Variants in CEP112 observed in about 807,000 individuals in gnomAD.
The protein encoded by CEP112 is centrosomal protein 112, also known as centrosomal protein of 112 kDa.
CEP112 carries 127 observed loss-of-function variants against 153.0 expected under a neutral mutation model. The observed-to-expected ratio is 0.83, with a 90% confidence interval of 0.72 to 0.96. The LOEUF is 0.96. CEP112 is among the 40% of genes least tolerant of loss of function. The pLI is 0.00. For synonymous variants in CEP112, 358 were observed against 374.4 expected (o/e 0.96, Z 0.51); for missense variants, 1,089 against 1,101.2 (o/e 0.99, Z 0.16).
chr17:65,837,447 C>T (rs2146187846), intron 21 of CEP112, among the ~76,000 whole-genome samples: 1 of 151,934 alleles, frequency 6.6e-6, no homozygotes, highest in Admixed American at 6.5e-5. Flanking sequence ...CACCTCTGCC[C>T]AGCCGCTACC....
chr17:65,670,092 G>A (rs1207114014), intron 24 of CEP112, among the ~76,000 whole-genome samples: 2 of 151,922 alleles, frequency 1.3e-5, no homozygotes, highest in Non-Finnish European at 2.9e-5. Context: ...TGCTGAATAA[G>A]TGCCTTCTCT....
intron 4 of CEP112, among the ~76,000 whole-genome samples, chr17:66,146,702 C>G (rs1331514166): frequency 1.3e-5 from 2 of 152,086 alleles, no homozygotes; most frequent in East Asian, 3.9e-4. Context: ...CTATAACCAC[C>G]ATTCTACTTT....
chr17:65,973,954 A>T (rs942275428), intron 17 of CEP112, among the ~76,000 whole-genome samples: 3 of 152,220 alleles, frequency 2.0e-5, no homozygotes, highest in African/African-American at 7.2e-5. Flanking sequence ...TAAAATGTTT[A>T]ATCTCACTTA....
intron 8 of CEP112, among the ~76,000 whole-genome samples, chr17:66,091,891 A>G (rs1392857270): frequency 6.6e-6 from 1 of 152,186 alleles, no homozygotes; most frequent in Non-Finnish European, 1.5e-5. Context: ...AAAGACTACT[A>G]TGAGTAATTA....
chr17:65,815,336 T>C (rs1421656544), intron 21 of CEP112, among the ~76,000 whole-genome samples: 1 of 152,118 alleles, frequency 6.6e-6, no homozygotes, highest in Non-Finnish European at 1.5e-5. Flanking sequence ...TGATTATAAA[T>C]GTGTAGGTAT....
intron 21 of CEP112, among the ~76,000 whole-genome samples, chr17:65,850,748 C>T (rs1426259235): frequency 3.3e-5 from 5 of 152,188 alleles, no homozygotes; most frequent in East Asian, 1.9e-4. Context: ...CCTGGACCCA[C>T]ACCCTGAGGT....
At chr17:65,690,134 A>AC (rs1235943862) in intron 23 of CEP112, among the ~76,000 whole-genome samples, 1 of 150,998 alleles carries the variant, frequency 6.6e-6, no homozygotes, top group East Asian at 1.9e-4. Flanking sequence ...AAAAAAAAAA[A>AC]AAAACTCCGG....
chr17:65,906,217 T>C (rs1248688034), intron 19 of CEP112, among the ~76,000 whole-genome samples: 1 of 134,028 alleles, frequency 7.5e-6, no homozygotes, highest in Non-Finnish European at 1.5e-5. Context: ...AGCTGAACAA[T>C]GAGAACACTT....
At chr17:66,017,417 T>C (rs2064817759) in intron 16 of CEP112, among the ~76,000 whole-genome samples, 1 of 152,210 alleles carries the variant, frequency 6.6e-6, no homozygotes, top group Non-Finnish European at 1.5e-5. Context: ...ACCATACTTT[T>C]GAGCTGGGGG....
At chr17:65,887,251 C>T (rs1380439670) in intron 20 of CEP112, among the ~76,000 whole-genome samples, 1 of 152,062 alleles carries the variant, frequency 6.6e-6, no homozygotes, top group Non-Finnish European at 1.5e-5. Flanking sequence ...GGTCTGTCTT[C>T]CCACCTGTAA....
chr17:65,995,203 A>G (rs1326717937), intron 17 of CEP112, among the ~76,000 whole-genome samples: 2 of 151,928 alleles, frequency 1.3e-5, no homozygotes, highest in Admixed American at 6.5e-5. Context: ...TTTATTCCCC[A>G]TTCCTCTCGG....
At chr17:65,755,679 C>T (rs1275568118) in intron 21 of CEP112, among the ~76,000 whole-genome samples, 3 of 151,150 alleles carry the variant, frequency 2.0e-5, no homozygotes, top group Admixed American at 6.6e-5. Flanking sequence ...CTGGACATAC[C>T]GTATAATGGA....
intron 6 of CEP112, among the ~76,000 whole-genome samples, chr17:66,098,421 T>A (rs922584955): frequency 1.6e-4 from 25 of 152,220 alleles, no homozygotes; most frequent in Admixed American, 1.6e-3. Context: ...AATCCCATTG[T>A]GTTTTCAAAA....
intron 24 of CEP112, among the ~76,000 whole-genome samples, chr17:65,684,087 C>T (rs2047669061): frequency 6.6e-6 from 1 of 152,010 alleles, no homozygotes; most frequent in Non-Finnish European, 1.5e-5. Context: ...CATTCCACAC[C>T]TGGGGTCTAC....
chr17:65,973,474 G>T (rs1325915499), intron 17 of CEP112, among the ~76,000 whole-genome samples: 1 of 152,172 alleles, frequency 6.6e-6, no homozygotes, highest in Non-Finnish European at 1.5e-5. Flanking sequence ...AGGTAGATAG[G>T]CATATGGCCA....
intron 8 of CEP112, among the ~76,000 whole-genome samples, chr17:66,083,196 G>A (rs2067790011): frequency 6.6e-6 from 1 of 152,094 alleles, no homozygotes; most frequent in African/African-American, 2.4e-5. Flanking sequence ...TCCTCGTGCT[G>A]TTCTCATGAT....
chr17:65,810,016 C>T (rs921510770), intron 21 of CEP112, among the ~76,000 whole-genome samples: 1 of 152,204 alleles, frequency 6.6e-6, no homozygotes, highest in Non-Finnish European at 1.5e-5. Flanking sequence ...GAGAAGTCAA[C>T]TGTGATGAAG....
intron 21 of CEP112, among the ~76,000 whole-genome samples, chr17:65,767,337 A>G (rs1243363072): frequency 6.6e-6 from 1 of 152,122 alleles, no homozygotes; most frequent in Non-Finnish European, 1.5e-5. Context: ...CTTGAGACAA[A>G]TGATAATGAA....
chr17:66,099,485 C>G (rs1256720870), intron 6 of CEP112, among the ~76,000 whole-genome samples: 1 of 95,584 alleles, frequency 1.0e-5, no homozygotes, highest in Admixed American at 1.5e-4. Context: ...GCCTGGGTGA[C>G]AAGAATGAAA....
Sources: allele counts gnomAD v4.1 joint callset (sites outside exome capture counted in the v4.1 genomes callset), GRCh38; gene constraint gnomAD v4.1.1; transcripts MANE v1.5; gene names NCBI Gene and HGNC (gene_info 2026-07-23, HGNC 2026-07-21).